Variants in VPS50 observed in about 807,000 individuals in gnomAD.
VPS50 encodes VPS50 subunit of EARP/GARPII complex, also known as syndetin.
Under a neutral mutation model 139.7 loss-of-function variants are expected in VPS50, and 70 were observed. The observed-to-expected ratio is 0.50, with a 90% CI of 0.41 to 0.61. VPS50 has a LOEUF of 0.61. Among genes scored for constraint, VPS50 ranks in the 20% least tolerant of loss-of-function variants. VPS50 has a pLI of 0.00. For missense variants in VPS50, 921 were observed against 1,133.7 expected (o/e 0.81, Z 2.69); for synonymous variants, 365 against 376.7 (o/e 0.97, Z 0.36).
chr7:93,289,860 C>G (rs1337492221), intron 12 of VPS50, among the ~76,000 whole-genome samples: 1 of 151,886 alleles, frequency 6.6e-6, no homozygotes, highest in Non-Finnish European at 1.5e-5. Context: ...TTATTGCTAT[C>G]TCAGTAAATT....
At chr7:93,338,170 C>T (rs566874020) in intron 22 of VPS50, among the ~76,000 whole-genome samples, 1 of 152,070 alleles carries the variant, frequency 6.6e-6, no homozygotes. Flanking sequence ...AGACAGAAAA[C>T]GAGCTATGTG....
At position 93,358,509 on chromosome 7, in the gene VPS50, T is replaced by A; in HGVS notation, c.*73T>A. 1 of 1,279,560 alleles carries A rather than the reference T, an allele frequency of 7.8e-7. No individual in the cohort carries two copies. The highest frequency in any genetic ancestry group is 1.1e-6 in the Non-Finnish European group (1 of 901,888). 79.3% of individuals were successfully genotyped at this position (1,279,560 alleles called of 1,614,324 possible). ...TATGACCTGAAAGCCAGTTTTTTTA[T>A]GCACTTCTGACAACTATCTGCTAAG... On this transcript the variant is annotated 3_prime_UTR_variant, in exon 28 of 28. Transcript: ENST00000305866.
chr7:93,304,966 C>T (rs1466700506), intron 17 of VPS50, among the ~76,000 whole-genome samples: 1 of 151,732 alleles, frequency 6.6e-6, no homozygotes, highest in Non-Finnish European at 1.5e-5. Context: ...TCATTTAATA[C>T]AACAAGCCAA....
intron 16 of VPS50, among the ~76,000 whole-genome samples, chr7:93,299,005 A>G (rs572690113): frequency 2.6e-5 from 4 of 152,322 alleles, no homozygotes; most frequent in Admixed American, 2.6e-4. Context: ...TTGCCTAGAC[A>G]TCTTGACCCG....
rs1798787177 is a variant in VPS50 at position 93,359,237 on chromosome 7, T to TTTG, written c.*805_*807dup. ...TTTCTTTATAAAAATATGTGGTTTTTTTGTTGAAAGTTTTGGTCTCTTTAA... is the reference window on the plus strand; with the variant it reads ...TTTCTTTATAAAAATATGTGGTTTTTTTGTTGTTGAAAGTTTTGGTCTCTTTAA... On this transcript the variant is annotated 3_prime_UTR_variant, in exon 28 of 28. Transcript: ENST00000305866. 1.3e-5 allele frequency: 2 copies of TTTG among 152,266 alleles called. No individual in the cohort carries two copies. The highest frequency in any genetic ancestry group is 4.8e-5 in the African/African-American group (2 of 41,552). The allele number at this position is 152,266 out of a possible 1,614,324, so 9.4% of individuals were successfully genotyped here.
Position 93,271,268 on chromosome 7 carries a change from A to G in VPS50, c.702+6A>G, listed in dbSNP as rs765810206. 49 of 1,559,452 alleles carry G rather than the reference A, an allele frequency of 3.1e-5. No individual in the cohort carries two copies. Among genetic ancestry groups the G allele is most frequent in the Non-Finnish European group, 4.2e-5 (49 of 1,160,136 alleles). ...ATACTTTGGAACAGATTGAGGTAAG[A>G]AGTATTATATCCTAACCTTAATGAG... On this transcript the variant is annotated splice_donor_region_variant and intron_variant, in intron 10 of 27. Coordinates refer to ENST00000305866, the MANE Select transcript of VPS50 (RefSeq NM_017667.4).
At chr7:93,264,072 T>G (rs966526520) in intron 9 of VPS50, among the ~76,000 whole-genome samples, 1 of 152,224 alleles carries the variant, frequency 6.6e-6, no homozygotes, top group Non-Finnish European at 1.5e-5. Context: ...TTTTGATGTC[T>G]ATGGAGGGTC....
intron 1 of VPS50, among the ~76,000 whole-genome samples, chr7:93,234,632 A>G (rs1012528414): frequency 4.6e-5 from 7 of 152,210 alleles, no homozygotes. Flanking sequence ...ATTGGGTTAA[A>G]TTTAATAGGA....
chr7:93,289,141 T>C (rs562350488), intron 12 of VPS50, among the ~76,000 whole-genome samples: 23 of 152,230 alleles, frequency 1.5e-4, no homozygotes, highest in African/African-American at 5.5e-4. Flanking sequence ...GGAGCCTGAC[T>C]AGAGTTTGGT....
chr7:93,246,087 T>A, intron 2 of VPS50: 2 of 1,514,424 alleles, frequency 1.3e-6, no homozygotes, highest in South Asian at 1.2e-5. Flanking sequence ...CGCTTCTTTT[T>A]TTTTTTGCTT....
At chr7:93,292,533 C>A (rs546365058) in intron 13 of VPS50, among the ~76,000 whole-genome samples, 99 of 152,076 alleles carry the variant, frequency 6.5e-4, no homozygotes, top group Middle Eastern at 3.4e-3. Context: ...ATTTTATCAG[C>A]ATTTTGTTTA....
chr7:93,311,361 T>G, intron 20 of VPS50, 89 bp downstream of exon 20: 1 of 734,430 alleles, frequency 1.4e-6, no homozygotes, highest in Non-Finnish European at 2.5e-6. Context: ...TTGTCTTGTA[T>G]ACTCCAGTGC....
chr7:93,344,131 G>A (rs1184776410), intron 23 of VPS50, among the ~76,000 whole-genome samples: 1 of 152,148 alleles, frequency 6.6e-6, no homozygotes. Context: ...AAGGATGGAG[G>A]AAGATCTACC....
chr7:93,310,868 A>C (rs551989825), intron 19 of VPS50, among the ~76,000 whole-genome samples: 5 of 152,194 alleles, frequency 3.3e-5, no homozygotes, highest in African/African-American at 9.6e-5. Flanking sequence ...GAAACAGTAC[A>C]TTTGCACCTA....
At chr7:93,251,103 T>G (rs1795312022) in intron 2 of VPS50, among the ~76,000 whole-genome samples, 1 of 152,184 alleles carries the variant, frequency 6.6e-6, no homozygotes, top group Non-Finnish European at 1.5e-5. Context: ...AGTTCAACCA[T>G]TGTGGAAGAC....
chr7:93,252,873 G>C (rs1254133646), intron 3 of VPS50, 98 bp downstream of exon 3: 2 of 910,682 alleles, frequency 2.2e-6, no homozygotes, highest in African/African-American at 3.4e-5. Context: ...ATGTATTTTT[G>C]GTACCAGAAT....
At chr7:93,268,372 G>T (rs1240945227) in intron 9 of VPS50, among the ~76,000 whole-genome samples, 3 of 152,016 alleles carry the variant, frequency 2.0e-5, no homozygotes, top group African/African-American at 2.4e-5. Flanking sequence ...GGATGTGCAT[G>T]TCTGTTACAT....
At chr7:93,281,356 AC>A (rs1796321391) in intron 12 of VPS50, among the ~76,000 whole-genome samples, 1 of 152,134 alleles carries the variant, frequency 6.6e-6, no homozygotes, top group South Asian at 2.1e-4. Flanking sequence ...TTAGTATAAA[AC>A]CCCAAAGACA....
rs1160409488 is a variant in VPS50 at position 93,296,850 on chromosome 7, T to A, written c.1262+14T>A. The A allele has an allele frequency of 7.6e-6, 12 of 1,583,568 alleles. No individual in the cohort carries two copies. Among genetic ancestry groups the A allele is most frequent in the Non-Finnish European group, 1.0e-5 (12 of 1,170,778 alleles). On this transcript the variant is annotated intron_variant, in intron 15 of 27. Coordinates refer to ENST00000305866, the MANE Select transcript of VPS50 (RefSeq NM_017667.4). ...TATAATCAGCAGGTAGTATTTAAGATCTTGTCTTATTCTTTAGTTTGAGTC... is the reference window on the plus strand; with the variant it reads ...TATAATCAGCAGGTAGTATTTAAGAACTTGTCTTATTCTTTAGTTTGAGTC...
Sources: allele counts gnomAD v4.1 joint callset (sites outside exome capture counted in the v4.1 genomes callset), GRCh38; gene constraint gnomAD v4.1.1; transcripts MANE v1.5; gene names NCBI Gene and HGNC (gene_info 2026-07-23, HGNC 2026-07-21).